MAPRE2: variants seen among roughly 807,000 people sequenced by gnomAD.
MAPRE2 encodes the protein microtubule associated protein RP/EB family member 2.
A neutral mutation model predicts 43.2 loss-of-function variants in MAPRE2; 13 were observed. The ratio of observed to expected loss-of-function variants is 0.30; its 90% CI spans 0.20 to 0.48. The LOEUF (loss-of-function observed/expected upper bound fraction) is 0.48. Ranked by LOEUF, MAPRE2 falls within the 20% of genes least tolerant of loss-of-function variation. The pLI is 0.99. For synonymous variants in MAPRE2, 135 were observed against 148.8 expected, an observed-to-expected ratio of 0.91 and a Z score of 0.68; for missense variants, 161 against 400.2, an observed-to-expected ratio of 0.40 and a Z score of 5.10.
intron 2 of MAPRE2, among the ~76,000 whole-genome samples, chr18:35,013,816 T>G (rs999362265): frequency 1.3e-5 from 2 of 152,206 alleles, no homozygotes; most frequent in African/African-American, 4.8e-5. Context: ...CTTAATATAA[T>G]GACCTCCAGT....
At chr18:35,061,416 A>G (rs668979) in intron 1 of MAPRE2, among the ~76,000 whole-genome samples, 152,262 of 152,348 alleles carry the variant, frequency 1, 76,088 homozygotes, top group Middle Eastern at 1. Flanking sequence ...GTGTCCTGAT[A>G]TTTCTCCATC....
At chr18:35,054,725 T>C (rs375880196) in intron 1 of MAPRE2, among the ~76,000 whole-genome samples, 2 of 152,356 alleles carry the variant, frequency 1.3e-5, no homozygotes, top group African/African-American at 4.8e-5. Flanking sequence ...AGATGATTAC[T>C]TGGTTTTTTT....
chr18:35,027,575 C>G (rs2097045908), intron 2 of MAPRE2, among the ~76,000 whole-genome samples: 1 of 152,124 alleles, frequency 6.6e-6, no homozygotes, highest in South Asian at 2.1e-4. Flanking sequence ...TGGGTGACAA[C>G]CACCTAGCCA....
intron 2 of MAPRE2, among the ~76,000 whole-genome samples, chr18:35,016,348 A>C (rs2097038260): frequency 6.6e-6 from 1 of 151,928 alleles, no homozygotes; most frequent in South Asian, 2.1e-4. Context: ...CCTGGGTTGA[A>C]TGTAGTTCTG....
intron 5 of MAPRE2, chr18:35,127,686 T>C (rs1443984589): frequency 2.6e-5 from 4 of 152,204 alleles, no homozygotes; most frequent in African/African-American, 9.6e-5. Context: ...ACAAAAAACC[T>C]GATACTTCCC....
At chr18:35,106,611 C>T in intron 4 of MAPRE2, among the ~76,000 whole-genome samples, 1 of 152,016 alleles carries the variant, frequency 6.6e-6, no homozygotes, top group Non-Finnish European at 1.5e-5. Flanking sequence ...TTTTTAAGAA[C>T]ATGCTAGATT....
chr18:35,079,084 A>C (rs1313259619), intron 2 of MAPRE2, among the ~76,000 whole-genome samples: 1 of 152,206 alleles, frequency 6.6e-6, no homozygotes, highest in Non-Finnish European at 1.5e-5. Flanking sequence ...TTGGCCAGTG[A>C]AACAACAACC....
chr18:35,028,081 A>G (rs2097046179), intron 2 of MAPRE2, among the ~76,000 whole-genome samples: 1 of 152,202 alleles, frequency 6.6e-6, no homozygotes, highest in Non-Finnish European at 1.5e-5. Context: ...TTAAGAGACA[A>G]AGGCAAAAGC....
At chr18:35,056,804 A>G (rs1315964043) in intron 1 of MAPRE2, among the ~76,000 whole-genome samples, 6 of 152,212 alleles carry the variant, frequency 3.9e-5, no homozygotes, top group Non-Finnish European at 8.8e-5. Context: ...GTTTAACAAA[A>G]CATTCTCAAT....
chr18:34,982,961 C>T (rs550367299), intron 1 of MAPRE2, among the ~76,000 whole-genome samples: 2 of 152,290 alleles, frequency 1.3e-5, no homozygotes, highest in Non-Finnish European at 2.9e-5. Flanking sequence ...TTTTATTGGA[C>T]TGCAGCCATA....
At chr18:35,019,896 AT>A (rs2097040861) in intron 2 of MAPRE2, among the ~76,000 whole-genome samples, 1 of 151,966 alleles carries the variant, frequency 6.6e-6, no homozygotes. Context: ...CACATGTATA[AT>A]TTTTGCTTTC....
chr18:35,125,173 A>G (rs1232313174), intron 4 of MAPRE2, among the ~76,000 whole-genome samples: 2 of 152,184 alleles, frequency 1.3e-5, no homozygotes, highest in African/African-American at 4.8e-5. Context: ...CAGTGCTTCT[A>G]GGGGGTGTGA....
intron 2 of MAPRE2, among the ~76,000 whole-genome samples, chr18:35,096,722 A>G (rs1206000364): frequency 6.6e-6 from 1 of 152,102 alleles, no homozygotes; most frequent in Non-Finnish European, 1.5e-5. Context: ...AAATTTACCA[A>G]TTTAATACTT....
At chr18:34,998,869 C>T (rs1247211493) in intron 1 of MAPRE2, among the ~76,000 whole-genome samples, 1 of 139,646 alleles carries the variant, frequency 7.2e-6, no homozygotes, top group Non-Finnish European at 1.5e-5. Flanking sequence ...CCACAGAGCA[C>T]AATACAGGGC....
chr18:35,132,120 A>C lies in MAPRE2; in HGVS notation c.839A>C (p.Gln280Pro), dbSNP rs778867243. ...GKLREIELLC[Q>P]EHGQENDDLV... is the part of the protein sequence containing the mutation. ...TTGAGAGAGATCGAGCTACTCTGCCAAGAACACGGGCAGGAAAATGATGAC... is the reference window on the plus strand; with the variant it reads ...TTGAGAGAGATCGAGCTACTCTGCCCAGAACACGGGCAGGAAAATGATGAC... The change falls in exon 6 of 7, where the codon CAA becomes CCA. Residue 280 changes from glutamine (Q) to proline (P), a missense_variant. Transcript: ENST00000300249. 3.7e-6 allele frequency: 6 copies of C among 1,614,234 alleles called. No homozygotes were observed. Among genetic ancestry groups the C allele is most frequent in the East Asian group, 4.5e-5 (2 of 44,884 alleles).
At chr18:35,075,897 A>C (rs1907329111) in intron 2 of MAPRE2, among the ~76,000 whole-genome samples, 1 of 151,010 alleles carries the variant, frequency 6.6e-6, no homozygotes, top group African/African-American at 2.5e-5. Context: ...AGGATAGATA[A>C]TACAGTAGGT....
chr18:35,033,540 G>A (rs2097048874), intron 2 of MAPRE2, among the ~76,000 whole-genome samples: 1 of 151,650 alleles, frequency 6.6e-6, no homozygotes, highest in Non-Finnish European at 1.5e-5. Flanking sequence ...GGAAATAAAG[G>A]GTATTCAAAT....
At chr18:34,980,654 A>G (rs2097015748) in intron 1 of MAPRE2, among the ~76,000 whole-genome samples, 1 of 152,194 alleles carries the variant, frequency 6.6e-6, no homozygotes, top group Admixed American at 6.5e-5. Context: ...CTTACTTGCT[A>G]TGATAGCTTA....
At chr18:35,043,449 T>C (rs1376192871) in intron 1 of MAPRE2, among the ~76,000 whole-genome samples, 2 of 152,158 alleles carry the variant, frequency 1.3e-5, no homozygotes, top group Non-Finnish European at 1.5e-5. Context: ...CAGTGGAAAA[T>C]CATTTGACAG....
Sources: allele counts gnomAD v4.1 joint callset (sites outside exome capture counted in the v4.1 genomes callset), GRCh38; gene constraint gnomAD v4.1.1; transcripts MANE v1.5; gene names NCBI Gene and HGNC (gene_info 2026-07-23, HGNC 2026-07-21).